The following UBR2 variants were observed in gnomAD, a reference collection of about 807,000 sequenced individuals.
UBR2 encodes E3 ubiquitin-protein ligase UBR2.
A neutral mutation model predicts 247.9 loss-of-function variants in UBR2; 92 were observed. The ratio of observed to expected loss-of-function variants is 0.37; its 90% confidence interval spans 0.31 to 0.44. The LOEUF is 0.44. Ranked by LOEUF, UBR2 falls within the 20% of genes least tolerant of loss-of-function variation. The pLI, the probability that UBR2 is intolerant of heterozygous loss-of-function variation, is 1.00. For missense variants in UBR2, 1,613 were observed against 2,112.6 expected (o/e 0.76, Z 4.64); for synonymous variants, 672 against 693.5 (o/e 0.97, Z 0.49).
intron 9 of UBR2, 94 bp from the exon 10 acceptor site, chr6:42,615,908 C>CA: frequency 1.0e-6 from 1 of 986,178 alleles, no homozygotes; most frequent in Non-Finnish European, 1.5e-6. Context: ...AAAAACAAAA[C>CA]AAAACAAAAA....
At chr6:42,596,603 G>A (rs1218567386) in intron 4 of UBR2, among the ~76,000 whole-genome samples, 3 of 152,104 alleles carry the variant, frequency 2.0e-5, no homozygotes, top group Admixed American at 1.3e-4. Context: ...TGAATGAATG[G>A]ATAAACAAAT....
chr6:42,690,265 A>C (rs1316882767), intron 46 of UBR2, among the ~76,000 whole-genome samples: 3 of 152,226 alleles, frequency 2.0e-5, no homozygotes, highest in Non-Finnish European at 4.4e-5. Context: ...CTTAAGTAGC[A>C]GATGTTAAAG....
chr6:42,599,990 G>A (rs749854359), intron 4 of UBR2, among the ~76,000 whole-genome samples: 39 of 152,058 alleles, frequency 2.6e-4, no homozygotes, highest in African/African-American at 4.6e-4. Flanking sequence ...AAATTGAAAC[G>A]TGTGTTATTG....
intron 13 of UBR2, 112 bp from the exon 14 acceptor site, chr6:42,635,306 C>T: frequency 9.2e-7 from 1 of 1,090,666 alleles, no homozygotes. Flanking sequence ...AAAACTTATA[C>T]CTTCTATGTT....
intron 2 of UBR2, among the ~76,000 whole-genome samples, chr6:42,586,455 A>G (rs956599466): frequency 6.6e-6 from 1 of 150,930 alleles, no homozygotes; most frequent in African/African-American, 2.4e-5. Flanking sequence ...CAGTTGTTGG[A>G]TGTAATTATT....
chr6:42,672,313 A>C (rs1282416830), intron 36 of UBR2, among the ~76,000 whole-genome samples: 2 of 152,072 alleles, frequency 1.3e-5, no homozygotes, highest in Non-Finnish European at 2.9e-5. Flanking sequence ...GATTGCAGGC[A>C]TGAGCCACCA....
At position 42,656,558 on chromosome 6, in the gene UBR2, A is replaced by T. The variant is rs115992823; in HGVS notation, c.2872+835A>T. 4.5e-3 allele frequency among the ~76,000 whole-genome samples: 685 copies of T among 152,320 alleles called. 3 individuals carry two copies. The highest frequency in any genetic ancestry group is 0.014 in the African/African-American group (567 of 41,564). ...GTCAGCCATTTGCTGAAGTGTTTTT[A>T]AATGAATTGATGGTGCTATGATAGG... is the stretch of plus-strand genomic sequence containing the variant. On this transcript the variant is annotated intron_variant, in intron 26 of 46. Transcript: ENST00000372901.
At chr6:42,657,173 T>A (rs1453140837) in intron 26 of UBR2, among the ~76,000 whole-genome samples, 1 of 149,580 alleles carries the variant, frequency 6.7e-6, no homozygotes, top group Non-Finnish European at 1.5e-5. Context: ...AGGTGGAGGT[T>A]GCAGTGATCC....
chr6:42,614,981 ACT>A lies in UBR2; in HGVS notation c.986-87_986-86del, dbSNP rs992877172. 2.1e-5 allele frequency: 21 copies of A among 1,019,358 alleles called. No individual in the cohort carries two copies. In the African/African-American group the frequency reaches 3.1e-4, roughly 15 times the overall value. The allele number at this position is 1,019,358 out of a possible 1,614,324, so 63.1% of individuals were successfully genotyped here. A position where few individuals can be genotyped will look rare whatever the true frequency, so the allele number is the denominator to read the frequency against. ...TTTGAACTTTAAGAAAACATTTAAA[ACT>A]CTACAGATCCATTTGAACATCTACT... is the stretch of plus-strand genomic sequence containing the variant. On this transcript the variant is annotated intron_variant, in intron 8 of 46. Transcript: ENST00000372901.
At position 42,564,256 on chromosome 6, in the gene UBR2, CG is replaced by C; in HGVS notation, c.-60del. 6.4e-7 allele frequency: 1 copy of C among 1,564,102 alleles called. No individual in the cohort carries two copies. The highest frequency in any genetic ancestry group is 2.3e-5 in the East Asian group (1 of 42,740). The stretch of plus-strand genomic sequence containing the variant: ...GGGCAGGGGTGGCAGTCGAGGCCGC[CG>C]GGGCCGAGGTGAGGCTGCAGCTCTC... On this transcript the variant is annotated 5_prime_UTR_variant, in exon 1 of 47. Coordinates refer to ENST00000372901, the MANE Select transcript of UBR2 (RefSeq NM_001363705.2).
chr6:42,654,918 G>A (rs1038560242), intron 25 of UBR2, among the ~76,000 whole-genome samples: 13 of 152,188 alleles, frequency 8.5e-5, no homozygotes, highest in African/African-American at 2.9e-4. Context: ...ATTAGGTAGT[G>A]TCATAGACTG....
intron 4 of UBR2, among the ~76,000 whole-genome samples, chr6:42,598,272 C>T (rs1203718048): frequency 1.3e-5 from 2 of 152,078 alleles, no homozygotes; most frequent in African/African-American, 4.8e-5. Flanking sequence ...TATATGAAAT[C>T]CAAATTTTAG....
rs369521301 is a variant in UBR2, at chr6:42,650,303, C to T, written c.2482C>T (p.Arg828Ter). 3 of 1,613,800 alleles carry T rather than the reference C, an allele frequency of 1.9e-6. No individual in the cohort carries two copies. The highest frequency in any genetic ancestry group is 1.7e-5 in the Admixed American group (1 of 59,990). ...AHFKKPGLTGRGMYELKPECA... is the reference protein window; with the variant it reads ...AHFKKPGLTG ...TCACAGGAAACCTGGATTAACAGGA[C>T]GAGGCATGTATGAACTGAAACCAGA... is the stretch of plus-strand genomic sequence containing the variant. The change falls in exon 23 of 47, where the codon CGA becomes TGA. Residue 828 changes from arginine to a stop codon, truncating the protein, a stop_gained. Coordinates refer to ENST00000372901, the MANE Select transcript of UBR2 (RefSeq NM_001363705.2). LOFTEE classifies it high-confidence loss of function.
chr6:42,680,050 G>A (rs1402041384), intron 42 of UBR2, among the ~76,000 whole-genome samples: 1 of 152,090 alleles, frequency 6.6e-6, no homozygotes, highest in Non-Finnish European at 1.5e-5. Flanking sequence ...CTGTCACCCA[G>A]GCTGGAGTGC....
intron 1 of UBR2, among the ~76,000 whole-genome samples, chr6:42,568,524 T>A (rs1790915142): frequency 6.6e-6 from 1 of 152,076 alleles, no homozygotes; most frequent in Non-Finnish European, 1.5e-5. Flanking sequence ...GGTCAGGAGA[T>A]CGAGACCATC....
At chr6:42,572,093 A>G (rs1185492959) in intron 1 of UBR2, among the ~76,000 whole-genome samples, 2 of 152,038 alleles carry the variant, frequency 1.3e-5, no homozygotes, top group African/African-American at 4.8e-5. Flanking sequence ...CTTGGCCACC[A>G]GGGAAGAAAT....
Position 42,662,197 on chromosome 6 carries a change from A to G in UBR2, c.3456A>G (p.Pro1152=). 1.2e-6 allele frequency: 2 copies of G among 1,603,702 alleles called. No homozygotes were observed. Among genetic ancestry groups the G allele is most frequent in the Non-Finnish European group, 1.7e-6 (2 of 1,175,160 alleles). Residue 1152 remains proline, a synonymous_variant, in exon 31 of 47, where the codon CCA becomes CCG. Transcript: ENST00000372901. The part of the protein sequence containing the change: ...KFIQDPEKYD[P]LFMHPDLSCG... ...TTTGTAATGCAGAAAAATATGATCC[A>G]TTATTCATGCACCCTGATCTGTCTT... is the stretch of plus-strand genomic sequence containing the variant.
At chr6:42,603,794 A>G in intron 5 of UBR2, 76 bp downstream of exon 5, 2 of 1,407,148 alleles carry the variant, frequency 1.4e-6, no homozygotes, top group Non-Finnish European at 1.9e-6. Context: ...TATAGGGCAT[A>G]ATCATTTTTT....
At chr6:42,636,436 C>T (rs73422529) in intron 14 of UBR2, among the ~76,000 whole-genome samples, 2,206 of 152,192 alleles carry the variant, frequency 0.014, 42 homozygotes, top group African/African-American at 0.051. Flanking sequence ...GCCTCGGCCT[C>T]CCAAAGTCTT....
Sources: allele counts gnomAD v4.1 joint callset (sites outside exome capture counted in the v4.1 genomes callset), GRCh38; gene constraint gnomAD v4.1.1; transcripts MANE v1.5; gene names NCBI Gene and HGNC (gene_info 2026-07-23, HGNC 2026-07-21).